The following CEP170 variants were observed in gnomAD, a reference collection of about 807,000 sequenced individuals.
CEP170 encodes the protein centrosomal protein 170.
Under a neutral mutation model 151.9 loss-of-function variants are expected in CEP170, and 21 were observed. That is an observed-to-expected ratio of 0.14 (90% CI 0.10 to 0.20). The LOEUF (loss-of-function observed/expected upper bound fraction) is 0.20, where lower values mean the gene tolerates loss of function less well. CEP170 is among the 10% of genes least tolerant of loss of function. The pLI, the probability that CEP170 is intolerant of heterozygous loss-of-function variation, is 1.00. For missense variants in CEP170, 964 were observed against 1,892.9 expected (o/e 0.51, Z 9.11); for synonymous variants, 356 against 648.8 (o/e 0.55, Z 6.86).
intron 1 of CEP170, among the ~76,000 whole-genome samples, chr1:243,231,828 T>C (rs2063787280): frequency 6.6e-6 from 1 of 152,206 alleles, no homozygotes; most frequent in Admixed American, 6.5e-5. Flanking sequence ...ACCATCTTTA[T>C]GCTGGGTGCG....
chr1:243,209,616 A>G (rs926326719), intron 4 of CEP170, among the ~76,000 whole-genome samples: 2 of 152,222 alleles, frequency 1.3e-5, no homozygotes, highest in African/African-American at 4.8e-5. Context: ...AAATACAGAA[A>G]CAAGTAAATA....
chr1:243,169,527 A>T, intron 12 of CEP170, 101 bp downstream of exon 12: 1 of 1,489,532 alleles, frequency 6.7e-7, no homozygotes, highest in Non-Finnish European at 9.0e-7. Flanking sequence ...ATAACAACTG[A>T]TATATGATTC....
intron 7 of CEP170, among the ~76,000 whole-genome samples, chr1:243,192,719 CT>C (rs1290349047): frequency 6.6e-6 from 1 of 152,220 alleles, no homozygotes; most frequent in African/African-American, 2.4e-5. Flanking sequence ...TTAGTGGGAT[CT>C]GTCAGGTACT....
intron 13 of CEP170, among the ~76,000 whole-genome samples, chr1:243,160,536 TGTTA>T (rs1272739330): frequency 1.3e-5 from 2 of 152,176 alleles, no homozygotes; most frequent in African/African-American, 2.4e-5. Context: ...AAAAAAGAGT[TGTTA>T]GTATCATATT....
At chr1:243,126,896 G>A (rs1303177106) in intron 19 of CEP170, among the ~76,000 whole-genome samples, 158 bp from the exon 20 acceptor site, 9 of 152,136 alleles carry the variant, frequency 5.9e-5, no homozygotes, top group Non-Finnish European at 1.2e-4. Flanking sequence ...TAGTTATTCT[G>A]TAGCTGTACT....
chr1:243,243,142 T>C (rs1291732241), intron 1 of CEP170, among the ~76,000 whole-genome samples: 2 of 152,158 alleles, frequency 1.3e-5, no homozygotes, highest in African/African-American at 4.8e-5. Flanking sequence ...GAGGATCGCT[T>C]GAGCCCAGGA....
intron 7 of CEP170, among the ~76,000 whole-genome samples, chr1:243,198,768 C>A (rs2060825493): frequency 6.6e-6 from 1 of 151,602 alleles, no homozygotes; most frequent in Non-Finnish European, 1.5e-5. Context: ...ACTTAAAATG[C>A]CTAGTTATAT....
intron 17 of CEP170, among the ~76,000 whole-genome samples, chr1:243,133,286 A>C (rs1796848): frequency 0.042 from 6,441 of 152,154 alleles, 370 homozygotes; most frequent in African/African-American, 0.14. Context: ...TGCCTTCTAC[A>C]CTCAAATGTG....
chr1:243,241,129 C>T (rs73116182), intron 1 of CEP170, among the ~76,000 whole-genome samples: 11,114 of 152,062 alleles, frequency 0.073, 1,328 homozygotes, highest in African/African-American at 0.25. Context: ...AGGGTGCCTC[C>T]GAACATAAAA....
Position 243,191,562 on chromosome 1 carries a change from T to A in CEP170, c.632-68A>T, listed in dbSNP as rs569877435. On this transcript the variant is annotated intron_variant, in intron 7 of 19. Transcript: ENST00000366542. ...TCTGGCACTTGAGGGAGTCTGGTAATGGCCATGTGTACTACTCCGTGAGAA... is the reference window on the plus strand; with the variant it reads ...TCTGGCACTTGAGGGAGTCTGGTAAAGGCCATGTGTACTACTCCGTGAGAA... 64 of 1,346,106 alleles carry A rather than the reference T, an allele frequency of 4.8e-5. No individual in the cohort carries two copies. The African/African-American group carries it at 8.2e-4, about 17-fold the overall frequency. 83.4% of individuals were successfully genotyped at this position (1,346,106 alleles called of 1,614,324 possible).
chr1:243,205,203 A>T (rs1288889130), intron 4 of CEP170, among the ~76,000 whole-genome samples: 1 of 152,144 alleles, frequency 6.6e-6, no homozygotes, highest in Non-Finnish European at 1.5e-5. Context: ...ACAGAAAGAG[A>T]ATTCCAGAGA....
intron 3 of CEP170, among the ~76,000 whole-genome samples, chr1:243,212,302 G>C (rs2061879980): frequency 6.6e-6 from 1 of 152,106 alleles, no homozygotes; most frequent in Non-Finnish European, 1.5e-5. Context: ...TACCATCAGG[G>C]TTTGCTCAAC....
At chr1:243,228,600 A>G (rs1183321952) in intron 1 of CEP170, among the ~76,000 whole-genome samples, 1 of 152,226 alleles carries the variant, frequency 6.6e-6, no homozygotes, top group African/African-American at 2.4e-5. Flanking sequence ...AAACAGGTCA[A>G]CAGTTACACG....
intron 17 of CEP170, among the ~76,000 whole-genome samples, chr1:243,132,695 C>G (rs887765848): frequency 5.9e-5 from 9 of 152,058 alleles, no homozygotes; most frequent in Non-Finnish European, 1.0e-4. Flanking sequence ...GTCAAAGCTA[C>G]AAAAAATATT....
intron 1 of CEP170, among the ~76,000 whole-genome samples, chr1:243,231,184 CATCATCATT>C (rs771154414): frequency 1.6e-3 from 211 of 129,748 alleles, no homozygotes; most frequent in East Asian, 3.7e-3. Context: ...TCATCATCAT[CATCATCATT>C]ATTATTATTA....
At chr1:243,145,407 C>T (rs970834986) in intron 14 of CEP170, among the ~76,000 whole-genome samples, 4 of 152,214 alleles carry the variant, frequency 2.6e-5, no homozygotes, top group Admixed American at 2.0e-4. Flanking sequence ...ACCGAGTAGC[C>T]AGGATTACAG....
At position 243,149,363 on chromosome 1, in the gene CEP170, A is replaced by G. The variant is rs555432906; in HGVS notation, c.3911+6858T>C. 5.3e-5 allele frequency among the ~76,000 whole-genome samples: 8 copies of G among 152,318 alleles called. No homozygotes were observed. The South Asian group carries it at 1.7e-3, about 32-fold the overall frequency. ...GTATTTACTCAATAAACAAGACCTG[A>G]GATAGCCAGAGTATTTTTAGAGACT... is the stretch of plus-strand genomic sequence containing the variant. On this transcript the variant is annotated intron_variant, in intron 14 of 19. Transcript: ENST00000366542.
At chr1:243,135,375 T>G (rs1233985719) in intron 17 of CEP170, among the ~76,000 whole-genome samples, 2 of 151,974 alleles carry the variant, frequency 1.3e-5, no homozygotes, top group Non-Finnish European at 2.9e-5. Context: ...CCCGGCTAAT[T>G]TTTTTGAATT....
At chr1:243,159,463 A>G (rs2789270) in intron 13 of CEP170, among the ~76,000 whole-genome samples, 1 of 152,234 alleles carries the variant, frequency 6.6e-6, no homozygotes, top group Non-Finnish European at 1.5e-5. Flanking sequence ...CTTCCAAACT[A>G]TAGCAGCTAC....
Sources: allele counts gnomAD v4.1 joint callset (sites outside exome capture counted in the v4.1 genomes callset), GRCh38; gene constraint gnomAD v4.1.1; transcripts MANE v1.5; gene names NCBI Gene and HGNC (gene_info 2026-07-23, HGNC 2026-07-21).